SV2B: variants seen among roughly 807,000 people sequenced by gnomAD.
SV2B encodes the protein synaptic vesicle glycoprotein 2B, also known as solute carrier family 22 member B2.
Under a neutral mutation model 73.9 loss-of-function variants are expected in SV2B, and 41 were observed. That is an observed-to-expected ratio of 0.56 (90% CI 0.43 to 0.72). The LOEUF (loss-of-function observed/expected upper bound fraction) is 0.72, where lower values mean the gene tolerates loss of function less well. Among genes scored for constraint, SV2B ranks in the 30% least tolerant of loss-of-function variants. The pLI, the probability that SV2B is intolerant of heterozygous loss-of-function variation, is 0.00. For synonymous variants in SV2B, 314 were observed against 314.2 expected (o/e 1.00, Z 0.01); for missense variants, 764 against 857.8 (o/e 0.89, Z 1.37).
At chr15:91,147,245 A>C (rs1013524756) in intron 1 of SV2B, among the ~76,000 whole-genome samples, 2 of 152,188 alleles carry the variant, frequency 1.3e-5, no homozygotes, top group African/African-American at 4.8e-5. Context: ...TTGGCTTGCC[A>C]GTCCTCAAAG....
chr15:91,166,438 A>G (rs972942337), intron 1 of SV2B, among the ~76,000 whole-genome samples: 5 of 152,044 alleles, frequency 3.3e-5, no homozygotes, highest in Non-Finnish European at 7.4e-5. Context: ...CTTTGAGTTT[A>G]TCCTATTTGA....
In SV2B at chr15:91,122,161, C is replaced by T. The variant is rs528163519; in HGVS notation, c.-392+21798C>T. Among the ~76,000 whole-genome samples, 1 of 152,280 alleles carries T rather than the reference C, an allele frequency of 6.6e-6. No individual in the cohort carries two copies. Among genetic ancestry groups the T allele is most frequent in the South Asian group, 2.1e-4 (1 of 4,824 alleles). On this transcript the variant is annotated intron_variant, in intron 1 of 12. Transcript: ENST00000394232. The surrounding 1 kb of genome is among the most constrained non-coding windows in gnomAD (Gnocchi z 4.3). ...CTCCCAATATGTGCTAAACCATCTCCTCTTTGGACTCCCACTATCTCAGCT... is the reference window on the plus strand; with the variant it reads ...CTCCCAATATGTGCTAAACCATCTCTTCTTTGGACTCCCACTATCTCAGCT...
chr15:91,211,234 G>A (rs2045848272), intron 1 of SV2B, among the ~76,000 whole-genome samples: 1 of 152,152 alleles, frequency 6.6e-6, no homozygotes, highest in African/African-American at 2.4e-5. Flanking sequence ...TGGAGTGAAG[G>A]GCTCATTCCC....
At chr15:91,277,475 C>T (rs2048531304) in intron 9 of SV2B, among the ~76,000 whole-genome samples, 1 of 152,186 alleles carries the variant, frequency 6.6e-6, no homozygotes, top group Non-Finnish European at 1.5e-5. Context: ...TTTCCCCATG[C>T]CATTTTGTGG....
At chr15:91,182,735 A>AT (rs1227858528) in intron 1 of SV2B, among the ~76,000 whole-genome samples, 1 of 152,254 alleles carries the variant, frequency 6.6e-6, no homozygotes, top group Non-Finnish European at 1.5e-5. Context: ...TGAGTCCTTC[A>AT]TTATAGGAAC....
intron 1 of SV2B, among the ~76,000 whole-genome samples, chr15:91,125,924 A>G (rs1381418269): frequency 1.3e-5 from 2 of 152,076 alleles, no homozygotes; most frequent in Non-Finnish European, 2.9e-5. Context: ...TGGTAACAAT[A>G]ATGGTGGTGG....
rs984865770 is a variant in SV2B, at chr15:91,236,907, T to C, written c.451+10193T>C. On this transcript the variant is annotated intron_variant, in intron 2 of 12. Transcript: ENST00000394232. This position sits in a 1 kb window ranked among gnomAD's most constrained non-coding sequence, Gnocchi z 4.1. ...TCTATCTCCATACGATCTTTAAATG[T>C]GATCTTTCCAACATGGCAGCTCCAG... Among the ~76,000 whole-genome samples, 45 of 152,052 alleles carry C rather than the reference T, an allele frequency of 3.0e-4. No individual in the cohort carries two copies. The highest frequency in any genetic ancestry group is 1.1e-3 in the African/African-American group (44 of 41,478).
At chr15:91,279,845 A>G (rs906543695) in intron 9 of SV2B, among the ~76,000 whole-genome samples, 1 of 152,252 alleles carries the variant, frequency 6.6e-6, no homozygotes. Flanking sequence ...CATCAGAGGC[A>G]TCTTCTTGTA....
At chr15:91,162,812 G>A (rs2043769855) in intron 1 of SV2B, among the ~76,000 whole-genome samples, 5 of 152,140 alleles carry the variant, frequency 3.3e-5, no homozygotes. Flanking sequence ...CGGTATATAT[G>A]CACAATGTGC....
intron 1 of SV2B, among the ~76,000 whole-genome samples, chr15:91,107,297 G>GTTTGTTCGTTTGTTTATTTATTTA (rs140617996): frequency 4.1e-5 from 6 of 145,842 alleles, no homozygotes; most frequent in African/African-American, 1.5e-4. Flanking sequence ...TTATTTGTTT[G>GTTTGTTCGTTTGTTTATTTATTTA]TTTATTTATT....
chr15:91,286,183 G>A (rs1211140425), intron 11 of SV2B, among the ~76,000 whole-genome samples: 1 of 152,108 alleles, frequency 6.6e-6, no homozygotes, highest in Non-Finnish European at 1.5e-5. Context: ...CATGCAGTGG[G>A]TCGGCTGTGA....
chr15:91,230,257 A>AAAAAG (rs769401075), intron 2 of SV2B, among the ~76,000 whole-genome samples: 6 of 151,566 alleles, frequency 4.0e-5, no homozygotes, highest in East Asian at 1.9e-4. Flanking sequence ...AAAAAAAAAA[A>AAAAAG]AAAAGAAAAG....
chr15:91,110,629 G>A lies in SV2B; in HGVS notation c.-392+10266G>A, dbSNP rs1010400756. 1.3e-5 allele frequency among the ~76,000 whole-genome samples: 2 copies of A among 152,184 alleles called. No individual in the cohort carries two copies. Among genetic ancestry groups the A allele is most frequent in the African/African-American group, 2.4e-5 (1 of 41,444 alleles). ...CCAGCTGGCACGTGGGAGGCTCTGC[G>A]GGAGAGGAAGAGGCACCGTGGGGTG... On this transcript the variant is annotated intron_variant, in intron 1 of 12. Coordinates refer to ENST00000394232, the MANE Select transcript of SV2B (RefSeq NM_001323032.3). The surrounding 1 kb of genome is among the most constrained non-coding windows in gnomAD (Gnocchi z 5.4).
intron 1 of SV2B, among the ~76,000 whole-genome samples, chr15:91,195,657 G>C (rs949333686): frequency 2.6e-5 from 4 of 152,254 alleles, no homozygotes; most frequent in Admixed American, 1.3e-4. Flanking sequence ...CAGGCTCTAG[G>C]GTTAAGCAGC....
chr15:91,200,124 A>G (rs1372248853), intron 1 of SV2B, among the ~76,000 whole-genome samples: 2 of 152,184 alleles, frequency 1.3e-5, no homozygotes, highest in Admixed American at 6.5e-5. Context: ...AGCCTTTTCT[A>G]TTCCTATTGT....
In SV2B at chr15:91,137,607, CAT is replaced by C. The variant is rs1168795831; in HGVS notation, c.-392+37253_-392+37254del. ...ATATTTCTCATATATATATATATTTCATATATATATTTCATATATACATATAT... is the reference window on the plus strand; with the variant it reads ...ATATTTCTCATATATATATATATTTCATATATATTTCATATATACATATAT... On this transcript the variant is annotated intron_variant, in intron 1 of 12. Coordinates refer to ENST00000394232, the MANE Select transcript of SV2B (RefSeq NM_001323032.3). This position sits in a 1 kb window ranked among gnomAD's most constrained non-coding sequence, Gnocchi z 4.9. 2.2e-5 allele frequency among the ~76,000 whole-genome samples: 2 copies of C among 91,936 alleles called. No homozygotes were observed. Among genetic ancestry groups the C allele is most frequent in the African/African-American group, 3.8e-5 (1 of 26,496 alleles). The allele number at this position is 91,936 out of a possible 152,430, so 60.3% of individuals were successfully genotyped here.
intron 1 of SV2B, among the ~76,000 whole-genome samples, chr15:91,134,533 G>T (rs1465744822): frequency 1.3e-5 from 2 of 152,184 alleles, no homozygotes; most frequent in African/African-American, 2.4e-5. Flanking sequence ...TTTTACAAAT[G>T]ACTCCAGGAC....
At position 91,141,317 on chromosome 15, in the gene SV2B, C is replaced by T. The variant is rs1358212716; in HGVS notation, c.-392+40954C>T. Among the ~76,000 whole-genome samples, 1 of 152,166 alleles carries T rather than the reference C, an allele frequency of 6.6e-6. No homozygotes were observed. The highest frequency in any genetic ancestry group is 2.4e-5 in the African/African-American group (1 of 41,428). On this transcript the variant is annotated intron_variant, in intron 1 of 12. Transcript: ENST00000394232. The surrounding 1 kb of genome is among the most constrained non-coding windows in gnomAD (Gnocchi z 4.6). ...GGCGTGGAGTGTTTCCAGATTTTTG[C>T]TGGCATCATCTAGGGTGTCTTGCAG...
chr15:91,200,674 C>A (rs986729413), intron 1 of SV2B, among the ~76,000 whole-genome samples: 4 of 152,048 alleles, frequency 2.6e-5, no homozygotes, highest in Non-Finnish European at 5.9e-5. Flanking sequence ...TTTGGGAGGC[C>A]AAGACAAGAG....
Sources: gnomAD v4.1 joint callset for allele counts (sites outside exome capture counted in the v4.1 genomes callset) on GRCh38, gnomAD v4.1.1 for gene constraint, Gnocchi (gnomAD v3.1) non-coding constraint, MANE v1.5 for transcripts, NCBI Gene and HGNC (gene_info 2026-07-23, HGNC 2026-07-21) for gene names.